PCDH8: variants seen among roughly 807,000 people sequenced by gnomAD.
PCDH8 encodes the protein protocadherin-8.
Under a neutral mutation model 58.2 loss-of-function variants are expected in PCDH8, and 36 were observed. The observed-to-expected ratio is 0.62, with a 90% confidence interval of 0.47 to 0.82. PCDH8 has a LOEUF of 0.82. PCDH8 is among the 40% of genes least tolerant of loss of function. The pLI, the probability that PCDH8 is intolerant of heterozygous loss-of-function variation, is 0.00. For synonymous variants in PCDH8, 775 were observed against 728.9 expected (o/e 1.06, Z -1.02); for missense variants, 1,493 against 1,567.8 (o/e 0.95, Z 0.81).
intron 2 of PCDH8, 114 bp downstream of exon 2, chr13:52,845,311 G>T: frequency 9.9e-7 from 1 of 1,013,880 alleles, no homozygotes; most frequent in Admixed American, 2.0e-5. Context: ...GTAGGAGTGA[G>T]AAAAAGTGGG....
rs763782751 is a variant in PCDH8 at position 52,847,355 on chromosome 13, G to T, written c.1082C>A (p.Ala361Asp). The T allele has an allele frequency of 1.3e-5, 20 of 1,484,598 alleles. 1 individual carries two copies. The highest frequency in any genetic ancestry group is 1.7e-5 in the Non-Finnish European group (19 of 1,123,248). The allele number at this position is 1,484,598 out of a possible 1,614,324, so 92.0% of individuals were successfully genotyped here. The change falls in exon 1 of 3, where the codon GCC becomes GAC. Residue 361 changes from alanine (A) to aspartate (D), a missense_variant. Physicochemically the swap from Ala to Asp is moderately radical, Grantham distance 126. This residue lies in a region of PCDH8 where 1,307 missense variants were observed against 1,362.7 expected (regional missense o/e 0.96). Coordinates refer to ENST00000377942, the MANE Select transcript of PCDH8 (RefSeq NM_002590.4). ...APDIAITPLA[A>D]PGAPATSPFA... Reference sequence around the variant, plus strand: ...GGGTGAGGTTGCCGGCGCGCCTGGGGCGGCCAGCGGGGTGATGGCGATGTC... The same window carrying T: ...GGGTGAGGTTGCCGGCGCGCCTGGGTCGGCCAGCGGGGTGATGGCGATGTC...
At position 52,846,300 on chromosome 13, in the gene PCDH8, C is replaced by G; in HGVS notation, c.2137G>C (p.Gly713Arg). The change falls in exon 1 of 3, where the codon GGG becomes CGG. Residue 713 changes from glycine to arginine, a missense_variant. Physicochemically the swap from Gly to Arg is moderately radical, Grantham distance 125. This residue lies in a region of PCDH8 where 1,307 missense variants were observed against 1,362.7 expected (regional missense o/e 0.96). Transcript: ENST00000377942. ...GGCGCAGCCGGCCCACGCCCGCCCC[C>G]TGCTGTTACCACGAAGCTGACAGTT... ...TATVSFVVTA[G>R]GGRGPAAPAS... The G allele has an allele frequency of 6.4e-7, 1 of 1,574,112 alleles. No homozygotes were observed. The highest frequency in any genetic ancestry group is 8.6e-7 in the Non-Finnish European group (1 of 1,163,820).
intron 1 of PCDH8, 66 bp from the exon 2 acceptor site, chr13:52,845,698 T>C (rs1374124816): frequency 1.3e-6 from 2 of 1,564,508 alleles, no homozygotes; most frequent in African/African-American, 2.7e-5. Context: ...AAAAAACAAG[T>C]GCGACAGGTT....
rs753583479 is a variant in PCDH8 at position 52,844,611 on chromosome 13, G to A, written c.3162C>T (p.Ser1054=). The change falls in exon 3 of 3, where the codon TCC becomes TCT. Residue 1054 remains serine (S), a synonymous_variant. Transcript: ENST00000377942. ...LQEIGVPLYQ[S]PPGRYLSPKK... The stretch of plus-strand genomic sequence containing the variant: ...TCGGGGACAGGTACCTGCCAGGAGG[G>A]GACTGGTAGAGGGGTACTCCAATCT... 11 of 1,611,452 alleles carry A rather than the reference G, an allele frequency of 6.8e-6. No homozygotes were observed. The East Asian group carries it at 2.2e-4, about 33-fold the overall frequency.
Position 52,845,923 on chromosome 13 carries a change from G to A in PCDH8, c.2514C>T (p.Asp838=), listed in dbSNP as rs759020777. ...GKAPFGSPAA[D]APPPAVAAAE... The stretch of plus-strand genomic sequence containing the variant: ...CCGCGGCGACCGCAGGCGGAGGCGC[G>A]TCCGCCGCGGGGCTGCCAAAGGGCG... Residue 838 remains aspartate, a synonymous_variant, in exon 1 of 3, where the codon GAC becomes GAT. Coordinates refer to ENST00000377942, the MANE Select transcript of PCDH8 (RefSeq NM_002590.4). 3.4e-6 allele frequency: 5 copies of A among 1,479,688 alleles called. No individual in the cohort carries two copies. The African/African-American group carries it at 4.4e-5, about 13-fold the overall frequency. 91.7% of individuals were successfully genotyped at this position (1,479,688 alleles called of 1,614,324 possible).
intron 1 of PCDH8, 44 bp downstream of exon 1, chr13:52,845,762 C>T: frequency 4.7e-6 from 7 of 1,500,682 alleles, no homozygotes; most frequent in Non-Finnish European, 6.2e-6. Flanking sequence ...CCCAGCCTGT[C>T]CGCGGAGCTC....
In PCDH8 at chr13:52,843,010, T is replaced by C. The variant is rs1258333273; in HGVS notation, c.*1550A>G. 3 of 152,244 alleles carry C rather than the reference T, an allele frequency of 2.0e-5. No individual in the cohort carries two copies. Among genetic ancestry groups the C allele is most frequent in the East Asian group, 3.8e-4 (2 of 5,196 alleles). The allele number at this position is 152,244 out of a possible 1,614,324, so 9.4% of individuals were successfully genotyped here. On this transcript the variant is annotated 3_prime_UTR_variant, in exon 3 of 3. Transcript: ENST00000377942. ...CCTTCTTGTGCCTCGGTTTCTTTAATTGCAAAATGGAGTTAATGATACTTC... is the reference window on the plus strand; with the variant it reads ...CCTTCTTGTGCCTCGGTTTCTTTAACTGCAAAATGGAGTTAATGATACTTC...
Position 52,846,008 on chromosome 13 carries a change from C to A in PCDH8, c.2429G>T (p.Arg810Leu). Residue 810 changes from arginine (R) to leucine (L), a missense_variant, in exon 1 of 3, where the codon CGG (arginine) becomes CTG (leucine). Coordinates refer to ENST00000377942, the MANE Select transcript of PCDH8 (RefSeq NM_002590.4). Reference sequence around the variant, plus strand: ...CATGTTGGGCCTGGGCCCGGCTCCCCGGGCGGCCTCCTCCGGGGAGCCGGG... The same window carrying A: ...CATGTTGGGCCTGGGCCCGGCTCCCAGGGCGGCCTCCTCCGGGGAGCCGGG... ...SAPGSPEEAA[R>L]GAGPRPNMFD... is the part of the protein sequence containing the mutation. The A allele has an allele frequency of 6.8e-7, 1 of 1,473,050 alleles. No individual in the cohort carries two copies. The highest frequency in any genetic ancestry group is 2.7e-5 in the East Asian group (1 of 37,162). 91.2% of individuals were successfully genotyped at this position (1,473,050 alleles called of 1,614,324 possible). A position where few individuals can be genotyped will look rare whatever the true frequency, so the allele number is the denominator to read the frequency against.
At position 52,846,294 on chromosome 13, in the gene PCDH8, C is replaced by T; in HGVS notation, c.2143G>A (p.Gly715Arg). 6.4e-7 allele frequency: 1 copy of T among 1,574,022 alleles called. No individual in the cohort carries two copies. The highest frequency in any genetic ancestry group is 8.6e-7 in the Non-Finnish European group (1 of 1,165,064). ...CTGGCAGGCGCAGCCGGCCCACGCCCGCCCCCTGCTGTTACCACGAAGCTG... is the reference window on the plus strand; with the variant it reads ...CTGGCAGGCGCAGCCGGCCCACGCCTGCCCCCTGCTGTTACCACGAAGCTG... ...TVSFVVTAGG[G>R]RGPAAPASAG... The change falls in exon 1 of 3, where the codon GGG (glycine) becomes AGG (arginine). Residue 715 changes from glycine (G) to arginine (R), a missense_variant. This residue lies in a region of PCDH8 where 1,307 missense variants were observed against 1,362.7 expected (regional missense o/e 0.96). Coordinates refer to ENST00000377942, the MANE Select transcript of PCDH8 (RefSeq NM_002590.4).
chr13:52,846,661 G>A lies in PCDH8; in HGVS notation c.1776C>T (p.Ser592=), dbSNP rs1372451633. Residue 592 remains serine (S), a synonymous_variant, in exon 1 of 3, where the codon AGC becomes AGT. Transcript: ENST00000377942. ...SDGGSPQLSS[S]ALVQVRVLDQ... ...CCAGCACGCGCACTTGCACTAGGGCGCTGCTGGAAAGCTGAGGGGAGCCGC... is the reference window on the plus strand; with the variant it reads ...CCAGCACGCGCACTTGCACTAGGGCACTGCTGGAAAGCTGAGGGGAGCCGC... 9 of 1,602,392 alleles carry A rather than the reference G, an allele frequency of 5.6e-6. No individual in the cohort carries two copies. Among genetic ancestry groups the A allele is most frequent in the Non-Finnish European group, 7.6e-6 (9 of 1,177,636 alleles).
chr13:52,847,363 C>T lies in PCDH8; in HGVS notation c.1074G>A (p.Pro358=). ...TTGCCGGCGCGCCTGGGGCGGCCAG[C>T]GGGGTGATGGCGATGTCGGGTGCGT... ...NDNAPDIAIT[P]LAAPGAPATS... The change falls in exon 1 of 3, where the codon CCG becomes CCA. Residue 358 remains proline, a synonymous_variant. Coordinates refer to ENST00000377942, the MANE Select transcript of PCDH8 (RefSeq NM_002590.4). 1.3e-6 allele frequency: 2 copies of T among 1,497,062 alleles called. No individual in the cohort carries two copies. The highest frequency in any genetic ancestry group is 2.9e-5 in the African/African-American group (2 of 69,118). The allele number at this position is 1,497,062 out of a possible 1,614,324, so 92.7% of individuals were successfully genotyped here.
intron 2 of PCDH8, 108 bp downstream of exon 2, chr13:52,845,317 G>T: frequency 9.6e-7 from 1 of 1,041,516 alleles, no homozygotes; most frequent in Non-Finnish European, 1.5e-6. Context: ...GTGAGAAAAA[G>T]TGGGGAAGAG....
chr13:52,847,740 C>A lies in PCDH8; in HGVS notation c.697G>T (p.Val233Leu). The A allele has an allele frequency of 1.3e-6, 2 of 1,496,908 alleles. No individual in the cohort carries two copies. The highest frequency in any genetic ancestry group is 1.8e-6 in the Non-Finnish European group (2 of 1,130,852). The allele number at this position is 1,496,908 out of a possible 1,614,324, so 92.7% of individuals were successfully genotyped here. A position where few individuals can be genotyped will look rare whatever the true frequency, so the allele number is the denominator to read the frequency against. Residue 233 changes from valine (V) to leucine (L), a missense_variant, in exon 1 of 3, where the codon GTG (valine) becomes TTG (leucine). Transcript: ENST00000377942. The part of the protein sequence containing the change: ...PPRSATAALS[V>L]RVLDANDHSP... ...TGGTCATTCGCATCCAGGACGCGCA[C>A]GCTGAGGGCAGCCGTGGCGGAGCGC...
Position 52,847,717 on chromosome 13 carries a change from G to A in PCDH8, c.720C>T (p.Asp240=). 1.3e-6 allele frequency: 2 copies of A among 1,532,290 alleles called. No homozygotes were observed. The highest frequency in any genetic ancestry group is 5.0e-5 in the East Asian group (2 of 40,262). The allele number at this position is 1,532,290 out of a possible 1,614,324, so 94.9% of individuals were successfully genotyped here. The change falls in exon 1 of 3, where the codon GAC becomes GAT. Residue 240 remains aspartate (D), a synonymous_variant. Transcript: ENST00000377942. The stretch of plus-strand genomic sequence containing the variant: ...CGCCCTGCGGGAAGGCCGGGCTGTG[G>A]TCATTCGCATCCAGGACGCGCACGC... ...ALSVRVLDAN[D]HSPAFPQGAV... is the part of the protein sequence containing the mutation.
chr13:52,846,698 T>C lies in PCDH8; in HGVS notation c.1739A>G (p.Gln580Arg). ...ETLRQLDVRIQASDGGSPQLS... is the reference protein window; with the variant it reads ...ETLRQLDVRIRASDGGSPQLS... ...CTGAGGGGAGCCGCCGTCGCTAGCT[T>C]GGATGCGAACGTCGAGTTGGCGCAG... Residue 580 changes from glutamine (Q) to arginine (R), a missense_variant, in exon 1 of 3, where the codon CAA becomes CGA. Physicochemically the swap from Gln to Arg is conservative, Grantham distance 43. Coordinates refer to ENST00000377942, the MANE Select transcript of PCDH8 (RefSeq NM_002590.4). 1 of 1,599,616 alleles carries C rather than the reference T, an allele frequency of 6.3e-7. No homozygotes were observed. The highest frequency in any genetic ancestry group is 8.5e-7 in the Non-Finnish European group (1 of 1,177,154).
rs746613003 is a variant in PCDH8, at chr13:52,847,755, T to C, written c.682A>G (p.Thr228Ala). Residue 228 changes from threonine to alanine, a missense_variant, in exon 1 of 3, where the codon ACG (threonine) becomes GCG (alanine). By Grantham distance (58) the Thr-to-Ala change is moderately conservative. Transcript: ENST00000377942. ...AGGACGCGCACGCTGAGGGCAGCCGTGGCGGAGCGCGGCGGGCGGCCGCCG... is the reference window on the plus strand; with the variant it reads ...AGGACGCGCACGCTGAGGGCAGCCGCGGCGGAGCGCGGCGGGCGGCCGCCG... The part of the protein sequence containing the change: ...QDGGRPPRSA[T>A]AALSVRVLDA... 20 of 1,471,710 alleles carry C rather than the reference T, an allele frequency of 1.4e-5. No homozygotes were observed. Among genetic ancestry groups the C allele is most frequent in the Non-Finnish European group, 1.7e-5 (19 of 1,121,182 alleles). The allele number at this position is 1,471,710 out of a possible 1,614,324, so 91.2% of individuals were successfully genotyped here.
rs1327683348 is a variant in PCDH8, at chr13:52,847,524, G to A, written c.913C>T (p.Arg305Cys). Residue 305 changes from arginine (R) to cysteine (C), a missense_variant, in exon 1 of 3, where the codon CGC (arginine) becomes TGC (cysteine). By Grantham distance (180) the Arg-to-Cys change is radical (BLOSUM62 -3). Transcript: ENST00000377942. ...TCCACGGGCCCGGCCAGGGTGAGGC[G>A]GCCTGATCGCGGGTCAAGCCGAAAG... ...RLFRLDPRSG[R>C]LTLAGPVDYE... The A allele has an allele frequency of 6.3e-7, 1 of 1,582,236 alleles. No homozygotes were observed. The highest frequency in any genetic ancestry group is 8.5e-7 in the Non-Finnish European group (1 of 1,170,942).
intron 2 of PCDH8, 73 bp downstream of exon 2, chr13:52,845,352 G>C: frequency 7.2e-7 from 1 of 1,391,410 alleles, no homozygotes; most frequent in Non-Finnish European, 1.0e-6. Flanking sequence ...AACCGAGATT[G>C]AGAGGAGGCA....
chr13:52,848,546 G>T lies in PCDH8; in HGVS notation c.-110C>A, dbSNP rs1474787163. ...CACGCTCTTTGCGAGCCCTGTGCGG[G>T]AGAAGTCTGCGGGTAGCAGCTCCGA... is the stretch of plus-strand genomic sequence containing the variant. On this transcript the variant is annotated 5_prime_UTR_variant, in exon 1 of 3. Coordinates refer to ENST00000377942, the MANE Select transcript of PCDH8 (RefSeq NM_002590.4). 6.9e-7 allele frequency: 1 copy of T among 1,443,250 alleles called. No individual in the cohort carries two copies. Among genetic ancestry groups the T allele is most frequent in the Non-Finnish European group, 9.1e-7 (1 of 1,102,548 alleles). 89.4% of individuals were successfully genotyped at this position (1,443,250 alleles called of 1,614,324 possible). A position where few individuals can be genotyped will look rare whatever the true frequency, so the allele number is the denominator to read the frequency against.
Sources: gnomAD v4.1 joint callset for allele counts on GRCh38, gnomAD v4.1.1 for gene constraint, gnomAD v4.1.1 regional missense constraint, MANE v1.5 for transcripts, NCBI Gene and HGNC (gene_info 2026-07-23, HGNC 2026-07-21) for gene names.